The following CNTN6 variants were observed in gnomAD, a reference collection of about 807,000 sequenced individuals.
CNTN6 encodes contactin 6.
Under a neutral mutation model 122.8 loss-of-function variants are expected in CNTN6, and 137 were observed. That is an observed-to-expected ratio of 1.12 (90% CI 0.97 to 1.29). CNTN6 has a LOEUF of 1.29. Ranked by LOEUF, CNTN6 falls within the 50% of genes most tolerant of loss-of-function variation. The pLI is 0.00. For synonymous variants in CNTN6, 570 were observed against 426.0 expected, an observed-to-expected ratio of 1.34 and a Z score of -4.16; for missense variants, 1,634 against 1,223.4, an observed-to-expected ratio of 1.34 and a Z score of -5.01.
At chr3:1,207,601 T>C (rs1346627285) in intron 2 of CNTN6, among the ~76,000 whole-genome samples, 1 of 152,088 alleles carries the variant, frequency 6.6e-6, no homozygotes, top group East Asian at 1.9e-4. Flanking sequence ...TTACCCTTTA[T>C]TTCTCTCCAT....
At position 1,329,889 on chromosome 3, in the gene CNTN6, G is replaced by A; in HGVS notation, c.1318G>A (p.Ala440Thr). 1.2e-6 allele frequency: 2 copies of A among 1,609,856 alleles called. No individual in the cohort carries two copies. The highest frequency in any genetic ancestry group is 1.1e-5 in the South Asian group (1 of 90,708). The change falls in exon 11 of 23, where the codon GCT (alanine) becomes ACT (threonine). Residue 440 changes from alanine to threonine, a missense_variant. Physicochemically the swap from Ala to Thr is moderately conservative, Grantham distance 58. Transcript: ENST00000446702. ...CAAACCAAATGCTTTTCCCAGGGCA[G>A]CTATCTCTTGGAAAAGAGGAACGGA... ...GCKPNAFPRA[A>T]ISWKRGTETL... is the part of the protein sequence containing the mutation.
At chr3:1,200,843 A>C (rs1053104779) in intron 2 of CNTN6, among the ~76,000 whole-genome samples, 1 of 151,726 alleles carries the variant, frequency 6.6e-6, no homozygotes, top group Non-Finnish European at 1.5e-5. Context: ...GACTTCTCTA[A>C]ATACTCCTTT....
chr3:1,320,769 C>T (rs940804139), intron 7 of CNTN6, among the ~76,000 whole-genome samples: 1 of 151,516 alleles, frequency 6.6e-6, no homozygotes, highest in Non-Finnish European at 1.5e-5. Flanking sequence ...TTGCAGCCTG[C>T]CCGTTCTTAT....
intron 1 of CNTN6, among the ~76,000 whole-genome samples, chr3:1,099,250 G>A (rs1011512153): frequency 2.0e-5 from 3 of 151,998 alleles, no homozygotes; most frequent in East Asian, 1.9e-4. Flanking sequence ...AGGAGATCGA[G>A]ACCATCCTGG....
At chr3:1,346,531 C>T (rs1704727674) in intron 11 of CNTN6, among the ~76,000 whole-genome samples, 1 of 152,098 alleles carries the variant, frequency 6.6e-6, no homozygotes, top group Admixed American at 6.6e-5. Flanking sequence ...TACTTCCCCT[C>T]TTGCCATGTG....
intron 12 of CNTN6, among the ~76,000 whole-genome samples, chr3:1,361,898 AT>A (rs1419740101): frequency 5.3e-5 from 8 of 152,094 alleles, no homozygotes; most frequent in Admixed American, 5.2e-4. Context: ...AAATTTGTCA[AT>A]TCCTAAGCAG....
chr3:1,251,297 C>T (rs1469798143), intron 4 of CNTN6, among the ~76,000 whole-genome samples: 1 of 152,112 alleles, frequency 6.6e-6, no homozygotes, highest in Non-Finnish European at 1.5e-5. Context: ...TCAACCTTCC[C>T]AAATTTGACT....
chr3:1,244,875 GGT>G (rs2094539026), intron 4 of CNTN6, among the ~76,000 whole-genome samples: 1 of 134,624 alleles, frequency 7.4e-6, no homozygotes, highest in Admixed American at 8.7e-5. Context: ...CCTTCTTAAG[GGT>G]GGGGGAGACT....
At chr3:1,126,158 G>A (rs1036451114) in intron 1 of CNTN6, among the ~76,000 whole-genome samples, 4 of 151,718 alleles carry the variant, frequency 2.6e-5, no homozygotes, top group African/African-American at 9.7e-5. Flanking sequence ...GAAAGTTGCT[G>A]GTTTTATTAG....
intron 12 of CNTN6, among the ~76,000 whole-genome samples, chr3:1,365,396 T>C (rs1403546962): frequency 6.6e-6 from 1 of 152,170 alleles, no homozygotes; most frequent in African/African-American, 2.4e-5. Context: ...TCCATAATAG[T>C]CTCATAAATA....
intron 4 of CNTN6, among the ~76,000 whole-genome samples, chr3:1,261,315 C>A (rs2094843070): frequency 6.6e-6 from 1 of 152,034 alleles, no homozygotes; most frequent in Non-Finnish European, 1.5e-5. Context: ...AAATAGATAG[C>A]AAAAGGAGAA....
chr3:1,255,460 G>C (rs1033946269), intron 4 of CNTN6, among the ~76,000 whole-genome samples: 2 of 151,446 alleles, frequency 1.3e-5, no homozygotes, highest in Non-Finnish European at 2.9e-5. Flanking sequence ...GAATTGTGGA[G>C]CCTATTGAGG....
At chr3:1,388,443 A>T (rs1319756432) in intron 20 of CNTN6, among the ~76,000 whole-genome samples, 1 of 148,992 alleles carries the variant, frequency 6.7e-6, no homozygotes, top group Non-Finnish European at 1.5e-5. Context: ...AAAAGTAGAT[A>T]AAAACCACAA....
chr3:1,254,562 T>C (rs1311734074), intron 4 of CNTN6, among the ~76,000 whole-genome samples: 1 of 152,180 alleles, frequency 6.6e-6, no homozygotes, highest in African/African-American at 2.4e-5. Flanking sequence ...GACTCTATCA[T>C]GTGTGGAAGT....
intron 4 of CNTN6, among the ~76,000 whole-genome samples, chr3:1,268,520 T>C (rs371141725): frequency 0.028 from 3,990 of 144,916 alleles, 207 homozygotes; most frequent in African/African-American, 0.099. Flanking sequence ...GGCAGGAGAA[T>C]GGCGTGAACC....
intron 1 of CNTN6, among the ~76,000 whole-genome samples, chr3:1,126,044 T>C (rs1361385083): frequency 6.6e-6 from 1 of 151,850 alleles, no homozygotes; most frequent in East Asian, 1.9e-4. Flanking sequence ...ATCGTAGGAA[T>C]TCTCCTAGGC....
chr3:1,311,366 T>C (rs1559787029), intron 7 of CNTN6, among the ~76,000 whole-genome samples: 1 of 128,272 alleles, frequency 7.8e-6, no homozygotes, highest in Non-Finnish European at 1.6e-5. Flanking sequence ...TGTACATATA[T>C]GTACATATAA....
intron 2 of CNTN6, among the ~76,000 whole-genome samples, chr3:1,195,256 C>T (rs761755775): frequency 6.6e-6 from 1 of 152,160 alleles, no homozygotes; most frequent in Non-Finnish European, 1.5e-5. Flanking sequence ...TGCCTCTAAA[C>T]TGAGCCTGGT....
chr3:1,350,765 T>C (rs1420769243), intron 11 of CNTN6, among the ~76,000 whole-genome samples: 1 of 151,906 alleles, frequency 6.6e-6, no homozygotes. Flanking sequence ...ATGTGTTTTT[T>C]ATTGGCCAAT....
Sources: allele counts gnomAD v4.1 joint callset (sites outside exome capture counted in the v4.1 genomes callset), GRCh38; gene constraint gnomAD v4.1.1; transcripts MANE v1.5; gene names NCBI Gene and HGNC (gene_info 2026-07-23, HGNC 2026-07-21).